MFAP3L: variants seen among roughly 807,000 people sequenced by gnomAD.
MFAP3L encodes microfibrillar-associated protein 3-like.
In MFAP3L, 5 loss-of-function variants were observed where a neutral mutation model predicts 20.0. That is an observed-to-expected ratio of 0.25 (90% CI 0.13 to 0.53). The LOEUF (loss-of-function observed/expected upper bound fraction) is 0.53, where lower values mean the gene tolerates loss of function less well. Among genes scored for constraint, MFAP3L ranks in the 20% least tolerant of loss-of-function variants. The pLI is 0.96. For synonymous variants in MFAP3L, 219 were observed against 213.0 expected, an observed-to-expected ratio of 1.03 and a Z score of -0.25; for missense variants, 409 against 527.5, an observed-to-expected ratio of 0.78 and a Z score of 2.20.
intron 1 of MFAP3L, among the ~76,000 whole-genome samples, chr4:170,007,462 C>T (rs1005010994): frequency 1.3e-5 from 2 of 152,178 alleles, no homozygotes; most frequent in African/African-American, 4.8e-5. Context: ...TAACCACCTT[C>T]GCTGGCTGTG....
chr4:170,009,100 T>G (rs935475698), intron 1 of MFAP3L, among the ~76,000 whole-genome samples: 1 of 152,188 alleles, frequency 6.6e-6, no homozygotes, highest in African/African-American at 2.4e-5. Flanking sequence ...AAAAGTTTAG[T>G]TGAGCTGGAC....
chr4:169,997,336 CTAAAT>C (rs1411313336), intron 2 of MFAP3L, among the ~76,000 whole-genome samples: 1 of 149,694 alleles, frequency 6.7e-6, no homozygotes, highest in African/African-American at 2.6e-5. Context: ...CAGATTTCCC[CTAAAT>C]TAATTTTTTT....
intron 1 of MFAP3L, among the ~76,000 whole-genome samples, chr4:170,010,718 T>C (rs1739323024): frequency 6.6e-6 from 1 of 152,026 alleles, no homozygotes; most frequent in Non-Finnish European, 1.5e-5. Context: ...GAGCTGTTCA[T>C]GTCATCAGAA....
intron 1 of MFAP3L, among the ~76,000 whole-genome samples, chr4:170,010,480 A>G (rs1739304804): frequency 6.6e-6 from 1 of 151,832 alleles, no homozygotes; most frequent in African/African-American, 2.4e-5. Flanking sequence ...CCCCTCTTCC[A>G]CATCCACCAC....
In MFAP3L at chr4:169,992,306, T is replaced by C; in HGVS notation, c.302A>G (p.Lys101Arg). Residue 101 changes from lysine (K) to arginine (R), a missense_variant, in exon 3 of 3, where the codon AAA becomes AGA. Physicochemically the swap from Lys to Arg is conservative, Grantham distance 26. Transcript: ENST00000361618. This position sits in a 1 kb window ranked among gnomAD's most constrained non-coding sequence, Gnocchi z 4.3. ...EEDEKERGGG[K>R]WQMHDSGLLN... is the part of the protein sequence containing the mutation. ...GAGGCCGCTGTCGTGCATTTGCCAT[T>C]TTCCTGTCGGAAGGGAGAGAAGAGA... The C allele has an allele frequency of 6.2e-7, 1 of 1,603,688 alleles. No individual in the cohort carries two copies.
intron 2 of MFAP3L, chr4:170,005,307 C>G (rs1738955822): frequency 6.1e-6 from 3 of 492,004 alleles, no homozygotes; most frequent in African/African-American, 3.8e-5. Flanking sequence ...ACATTTGTCT[C>G]TATAATGTAT....
upstream of MFAP3L, chr4:170,027,014 C>T (rs1472240213): frequency 6.6e-6 from 1 of 152,140 alleles, no homozygotes; most frequent in Non-Finnish European, 1.5e-5. Context: ...GCGGGCCGTT[C>T]CCTGGTGACT....
At chr4:170,020,638 T>G in intron 1 of MFAP3L, among the ~76,000 whole-genome samples, 1 of 21,138 alleles carries the variant, frequency 4.7e-5, no homozygotes, top group African/African-American at 2.0e-4. Flanking sequence ...CCTCCTCCCA[T>G]TCCCCTCCCT....
chr4:170,018,678 A>G (rs931145), intron 1 of MFAP3L, among the ~76,000 whole-genome samples: 93,580 of 152,040 alleles, frequency 0.62, 31,002 homozygotes, highest in East Asian at 0.94. Flanking sequence ...GTCCTCAAAA[A>G]TGTTTTGAAA....
Position 169,988,795 on chromosome 4 carries a change from G to A in MFAP3L, c.*2583C>T, listed in dbSNP as rs1737456208. The A allele has an allele frequency of 6.6e-6, 1 of 152,162 alleles. No homozygotes were observed. The highest frequency in any genetic ancestry group is 1.5e-5 in the Non-Finnish European group (1 of 68,028). The allele number at this position is 152,162 out of a possible 1,614,324, so 9.4% of individuals were successfully genotyped here. ...CGAGAGCATTATGATGCCTTAAAGA[G>A]GGAGAAAGTTTTGAAAATCTACATA... On this transcript the variant is annotated 3_prime_UTR_variant, in exon 3 of 3. Coordinates refer to ENST00000361618, the MANE Select transcript of MFAP3L (RefSeq NM_021647.8).
At chr4:170,001,979 C>CAT in intron 2 of MFAP3L, 2 of 985,440 alleles carry the variant, frequency 2.0e-6, no homozygotes, top group Non-Finnish European at 2.4e-6. Context: ...TCAGCAGAAA[C>CAT]GAGACATGAA....
intron 1 of MFAP3L, chr4:170,006,894 C>T (rs6844099): frequency 0.37 from 56,345 of 152,128 alleles, 14,555 homozygotes; most frequent in African/African-American, 0.74. Flanking sequence ...CTGTTACTTA[C>T]GGGCTCCAGG....
In MFAP3L at chr4:169,988,600, T is replaced by C. The variant is rs1387003322; in HGVS notation, c.*2778A>G. 6.6e-6 allele frequency: 1 copy of C among 152,206 alleles called. No homozygotes were observed. Among genetic ancestry groups the C allele is most frequent in the Non-Finnish European group, 1.5e-5 (1 of 68,034 alleles). The allele number at this position is 152,206 out of a possible 1,614,324, so 9.4% of individuals were successfully genotyped here. A position where few individuals can be genotyped will look rare whatever the true frequency, so the allele number is the denominator to read the frequency against. On this transcript the variant is annotated 3_prime_UTR_variant, in exon 3 of 3. Transcript: ENST00000361618. ...CTATGAAGCTGAACAGTTCACTTTA[T>C]CTTTGAAAAATCAGCTGAAAGTCAT...
chr4:169,996,749 T>TTATATA (rs1738199606), intron 2 of MFAP3L, among the ~76,000 whole-genome samples: 2 of 151,980 alleles, frequency 1.3e-5, no homozygotes, highest in South Asian at 2.1e-4. Context: ...TGCAAGAGCT[T>TTATATA]TATATCTATC....
intron 1 of MFAP3L, among the ~76,000 whole-genome samples, chr4:170,012,841 T>A (rs76608542): frequency 2.4e-3 from 366 of 152,306 alleles, no homozygotes; most frequent in Non-Finnish European, 4.2e-3. Context: ...ACTTGCTGGA[T>A]TGCTGTGAAC....
At position 169,991,339 on chromosome 4, in the gene MFAP3L, C is replaced by T; in HGVS notation, c.*39G>A. 1.3e-6 allele frequency: 2 copies of T among 1,580,868 alleles called. No individual in the cohort carries two copies. The highest frequency in any genetic ancestry group is 1.7e-6 in the Non-Finnish European group (2 of 1,161,450). On this transcript the variant is annotated 3_prime_UTR_variant, in exon 3 of 3. Coordinates refer to ENST00000361618, the MANE Select transcript of MFAP3L (RefSeq NM_021647.8). This position sits in a 1 kb window ranked among gnomAD's most constrained non-coding sequence, Gnocchi z 4.9. ...TACATCTGTATTACAAGGAGCAGCC[C>T]CTGATTTTCTTGATATGCATAGCTT... is the stretch of plus-strand genomic sequence containing the variant.
chr4:170,026,959 T>A (rs1171805770), upstream of MFAP3L: 1 of 152,126 alleles, frequency 6.6e-6, no homozygotes, highest in Non-Finnish European at 1.5e-5. Context: ...CTTAAACGTC[T>A]CTTAAAGCAA....
chr4:170,003,023 T>A (rs1738777472), intron 2 of MFAP3L, among the ~76,000 whole-genome samples: 1 of 152,134 alleles, frequency 6.6e-6, no homozygotes, highest in Non-Finnish European at 1.5e-5. Context: ...ATTCTGATAT[T>A]TTTTGAGCAA....
chr4:170,007,637 A>G (rs1739129180), intron 1 of MFAP3L, among the ~76,000 whole-genome samples: 1 of 152,232 alleles, frequency 6.6e-6, no homozygotes, highest in Non-Finnish European at 1.5e-5. Flanking sequence ...TAAAAGCCAG[A>G]TCTTGAGTTT....
Sources: gnomAD v4.1 joint callset for allele counts (sites outside exome capture counted in the v4.1 genomes callset) on GRCh38, gnomAD v4.1.1 for gene constraint, Gnocchi (gnomAD v3.1) non-coding constraint, MANE v1.5 for transcripts, NCBI Gene and HGNC (gene_info 2026-07-23, HGNC 2026-07-21) for gene names.